MBP: variants seen among roughly 807,000 people sequenced by gnomAD.
MBP encodes myelin basic protein.
In MBP, 16 loss-of-function variants were observed where a neutral mutation model predicts 35.8. That is an observed-to-expected ratio of 0.45 (90% CI 0.30 to 0.68). MBP has a LOEUF of 0.68. Among genes scored for constraint, MBP ranks in the 30% least tolerant of loss-of-function variants. The pLI is 0.08. For missense variants in MBP, 380 were observed against 404.7 expected (o/e 0.94, Z 0.52); for synonymous variants, 143 against 159.6 (o/e 0.90, Z 0.78).
chr18:77,124,639 G>A (rs187855708), intron 1 of MBP, among the ~76,000 whole-genome samples: 45 of 151,756 alleles, frequency 3.0e-4, no homozygotes, highest in Middle Eastern at 3.4e-3. Context: ...CGGGGCCAGT[G>A]GGGGAGAGCC....
Position 76,988,711 on chromosome 18 carries a change from G to C in MBP, c.717+166C>G. ...CTGTGCAGGTGCGGGAGGGACAGGA[G>C]GGGTGCATGGATCTGCCGACCTGTT... On this transcript the variant is annotated intron_variant, in intron 6 of 8. Coordinates refer to ENST00000355994, the MANE Select transcript of MBP (RefSeq NM_001025101.2). The surrounding 1 kb of genome is among the most constrained non-coding windows in gnomAD (Gnocchi z 5.2). 1 of 1,334,930 alleles carries C rather than the reference G, an allele frequency of 7.5e-7. No individual in the cohort carries two copies. The highest frequency in any genetic ancestry group is 1.0e-6 in the Non-Finnish European group (1 of 971,518). The allele number at this position is 1,334,930 out of a possible 1,614,324, so 82.7% of individuals were successfully genotyped here. A position where few individuals can be genotyped will look rare whatever the true frequency, so the allele number is the denominator to read the frequency against.
In MBP at chr18:77,131,033, A is replaced by G. The variant is rs2897507; in HGVS notation, c.-26+1547T>C. 8.4e-6 allele frequency among the ~76,000 whole-genome samples: 1 copy of G among 118,594 alleles called. No individual in the cohort carries two copies. The highest frequency in any genetic ancestry group is 2.9e-5 in the African/African-American group (1 of 34,074). The allele number at this position is 118,594 out of a possible 152,430, so 77.8% of individuals were successfully genotyped here. On this transcript the variant is annotated intron_variant, in intron 1 of 8. Coordinates refer to ENST00000355994, the MANE Select transcript of MBP (RefSeq NM_001025101.2). This position sits in a 1 kb window ranked among gnomAD's most constrained non-coding sequence, Gnocchi z 5.5. ...GATTTCTGTTTTTCCCACAAAAAAA[A>G]AAAAAAAACAAAACCTCAAAAAACA...
At chr18:76,999,765 C>A (rs470498) in intron 4 of MBP, among the ~76,000 whole-genome samples, 4 of 151,936 alleles carry the variant, frequency 2.6e-5, no homozygotes, top group Non-Finnish European at 4.4e-5. Context: ...GGCCTGCTTA[C>A]TTTTTAGGAC....
intron 1 of MBP, among the ~76,000 whole-genome samples, chr18:77,112,148 T>C (rs1422233267): frequency 1.4e-5 from 2 of 138,242 alleles, no homozygotes; most frequent in African/African-American, 2.7e-5. Context: ...CAAAAACCCG[T>C]AGAATGAACA....
intron 1 of MBP, among the ~76,000 whole-genome samples, chr18:77,107,065 CCTCT>C (rs924592770): frequency 6.6e-6 from 1 of 152,206 alleles, no homozygotes; most frequent in African/African-American, 2.4e-5. Flanking sequence ...CCTAATTCTG[CCTCT>C]CTAATTCCAT....
At chr18:77,005,479 G>A (rs1316999314) in intron 4 of MBP, 1 of 152,186 alleles carries the variant, frequency 6.6e-6, no homozygotes, top group Non-Finnish European at 1.5e-5. Flanking sequence ...ATGGCAAGAG[G>A]GACTCCTCTC....
intron 7 of MBP, chr18:76,985,377 T>C: frequency 7.9e-7 from 1 of 1,263,604 alleles, no homozygotes; most frequent in Non-Finnish European, 1.0e-6. Flanking sequence ...CTTTTGCTGA[T>C]TGATTTGCAC....
chr18:77,007,096 C>T (rs1052057777), intron 4 of MBP, among the ~76,000 whole-genome samples: 6 of 152,230 alleles, frequency 3.9e-5, no homozygotes, highest in African/African-American at 4.8e-5. Context: ...CTTCTGTCTC[C>T]GTTGGGAGCT....
At chr18:77,124,389 T>C (rs746978624) in intron 1 of MBP, among the ~76,000 whole-genome samples, 18 of 152,206 alleles carry the variant, frequency 1.2e-4, no homozygotes, top group Non-Finnish European at 1.9e-4. Context: ...AGGAAGTGAA[T>C]TGATGTAAAC....
chr18:77,082,126 A>C (rs1037858671), intron 2 of MBP, among the ~76,000 whole-genome samples: 4 of 152,106 alleles, frequency 2.6e-5, no homozygotes, highest in Non-Finnish European at 4.4e-5. Flanking sequence ...TGCTGGGATT[A>C]CAGGCGTGAG....
chr18:77,017,115 T>A lies in MBP; in HGVS notation c.293A>T (p.Asp98Val), dbSNP rs1971693542. Residue 98 changes from aspartate to valine, a missense_variant, in exon 4 of 9, where the codon GAT becomes GTT. Coordinates refer to ENST00000355994, the MANE Select transcript of MBP (RefSeq NM_001025101.2). ...RPHLIRLFSR[D>V]APGREDNTFK... ...GGTGTTGTCCTCCCTCCCCGGGGCA[T>A]CTCGGGAAAAGAGGCGGATCAAGTG... 2 of 1,589,418 alleles carry A rather than the reference T, an allele frequency of 1.3e-6. No homozygotes were observed. Among genetic ancestry groups the A allele is most frequent in the Non-Finnish European group, 1.7e-6 (2 of 1,163,966 alleles).
At chr18:77,093,886 C>T (rs1975644446) in intron 2 of MBP, among the ~76,000 whole-genome samples, 1 of 152,220 alleles carries the variant, frequency 6.6e-6, no homozygotes, top group Admixed American at 6.5e-5. Flanking sequence ...ATGCCTTACG[C>T]TCATTCTCAA....
intron 3 of MBP, among the ~76,000 whole-genome samples, chr18:77,023,098 G>A (rs1972056743): frequency 6.6e-6 from 1 of 152,190 alleles, no homozygotes; most frequent in Non-Finnish European, 1.5e-5. Flanking sequence ...CTTATTGCTA[G>A]GACAATGCTG....
At chr18:77,001,925 C>T (rs549573177) in intron 4 of MBP, among the ~76,000 whole-genome samples, 1 of 152,196 alleles carries the variant, frequency 6.6e-6, no homozygotes, top group South Asian at 2.1e-4. Context: ...AGTGTTCTTA[C>T]TGACACAGCC....
chr18:76,999,412 G>T (rs470505), intron 4 of MBP, among the ~76,000 whole-genome samples: 11,039 of 151,958 alleles, frequency 0.073, 453 homozygotes, highest in Middle Eastern at 0.16. Flanking sequence ...ACTGAGAGCT[G>T]AACTTCAGCT....
At chr18:77,088,625 T>C (rs1202995894) in intron 2 of MBP, among the ~76,000 whole-genome samples, 2 of 150,958 alleles carry the variant, frequency 1.3e-5, no homozygotes, top group African/African-American at 4.9e-5. Flanking sequence ...GTTGCCATTA[T>C]TAAACAGTTT....
At chr18:77,127,640 GGCCA>G (rs1977096353) in intron 1 of MBP, 3 of 152,190 alleles carry the variant, frequency 2.0e-5, no homozygotes, top group Admixed American at 6.5e-5. Context: ...CGAGTGGTAA[GGCCA>G]GCATCTAGAA....
intron 1 of MBP, among the ~76,000 whole-genome samples, chr18:77,111,964 C>T (rs1336136425): frequency 1.3e-5 from 2 of 152,122 alleles, no homozygotes; most frequent in Non-Finnish European, 2.9e-5. Context: ...TTTCACTATC[C>T]TTGTCTCCTT....
chr18:77,048,925 T>A (rs989718613), intron 3 of MBP, among the ~76,000 whole-genome samples: 1 of 151,818 alleles, frequency 6.6e-6, no homozygotes, highest in East Asian at 1.9e-4. Context: ...TTTTTAATTT[T>A]ATTTATTTTT....
Sources: allele counts gnomAD v4.1 joint callset (sites outside exome capture counted in the v4.1 genomes callset), GRCh38; gene constraint gnomAD v4.1.1; non-coding constraint Gnocchi (gnomAD v3.1); transcripts MANE v1.5; gene names NCBI Gene and HGNC (gene_info 2026-07-23, HGNC 2026-07-21).